Variants in ARHGEF11 observed in about 807,000 individuals in gnomAD.
ARHGEF11 encodes the protein Rho guanine nucleotide exchange factor 11, also known as Rho guanine exchange factor (GEF) 11.
Under a neutral mutation model 193.7 loss-of-function variants are expected in ARHGEF11, and 55 were observed. The ratio of observed to expected loss-of-function variants is 0.28; its 90% confidence interval spans 0.23 to 0.36. The LOEUF (loss-of-function observed/expected upper bound fraction) is 0.36. ARHGEF11 is among the 10% of genes least tolerant of loss of function. The probability of loss-of-function intolerance (pLI) is 1.00; values close to 1 mark genes in which losing one functional copy is unlikely to be tolerated. For missense variants in ARHGEF11, 1,723 were observed against 2,005.6 expected (o/e 0.86, Z 2.69); for synonymous variants, 693 against 768.0 (o/e 0.90, Z 1.62).
At chr1:156,960,290 C>T (rs987374769) in intron 15 of ARHGEF11, 128 bp downstream of exon 15, 86 of 861,808 alleles carry the variant, frequency 1.0e-4, no homozygotes, top group Non-Finnish European at 1.5e-4. Flanking sequence ...TCCCATGGGT[C>T]TTTTCCTCTA....
At chr1:156,938,270 T>G in intron 38 of ARHGEF11, 148 bp downstream of exon 38, 1 of 683,650 alleles carries the variant, frequency 1.5e-6, no homozygotes, top group Non-Finnish European at 2.4e-6. Context: ...CTCCCCGTCT[T>G]TAGAGCCAGA....
intron 8 of ARHGEF11, among the ~76,000 whole-genome samples, chr1:156,971,149 TC>T: frequency 6.6e-6 from 1 of 152,324 alleles, no homozygotes; most frequent in South Asian, 2.1e-4. Flanking sequence ...AATAGCAAAG[TC>T]CCTGAAGAGA....
At chr1:156,969,426 G>C in intron 9 of ARHGEF11, 68 bp from the exon 10 acceptor site, 1 of 1,457,358 alleles carries the variant, frequency 6.9e-7, no homozygotes, top group Non-Finnish European at 9.4e-7. Context: ...CCTTTATTCT[G>C]GGCACCTGTG....
At chr1:156,943,383 T>C (rs965490633) in intron 32 of ARHGEF11, among the ~76,000 whole-genome samples, 2 of 152,188 alleles carry the variant, frequency 1.3e-5, no homozygotes, top group African/African-American at 4.8e-5. Context: ...AACTTTTTCA[T>C]ACCCGTCATC....
Position 156,937,379 on chromosome 1 carries a change from T to C in ARHGEF11, c.4310A>G (p.Gln1437Arg), listed in dbSNP as rs370918950. 2 of 1,608,364 alleles carry C rather than the reference T, an allele frequency of 1.2e-6. No individual in the cohort carries two copies. The highest frequency in any genetic ancestry group is 2.2e-5 in the South Asian group (2 of 89,856). Residue 1437 changes from glutamine to arginine, a missense_variant, in exon 39 of 41, where the codon CAG (glutamine) becomes CGG (arginine). By Grantham distance (43) the Gln-to-Arg change is conservative. Around this residue, in one of 5 missense-constraint regions of ARHGEF11, gnomAD observed 360 missense variants for 344.4 expected, o/e 1.05. Transcript: ENST00000368194. ...ATCGTTGCCTCCCTGCAGCTGAGGCTGAGGCTCTGTCTGCCCTGCAGGGAG... is the reference window on the plus strand; with the variant it reads ...ATCGTTGCCTCCCTGCAGCTGAGGCCGAGGCTCTGTCTGCCCTGCAGGGAG... ...DSLPAGQTEP[Q>R]PQLQGGNDDP...
At position 156,980,491 on chromosome 1, in the gene ARHGEF11, A is replaced by G. The variant is rs1294892657; in HGVS notation, c.224-5T>C. 1 of 1,591,586 alleles carries G rather than the reference A, an allele frequency of 6.3e-7. No homozygotes were observed. The stretch of plus-strand genomic sequence containing the variant: ...CGGCCTTCATGGCTGCACCTCCTGT[A>G]AGGAGAAGGCCTGGTCAGCAGTGCC... On this transcript the variant is annotated splice_polypyrimidine_tract_variant and splice_region_variant and intron_variant, in intron 3 of 40. Coordinates refer to ENST00000368194, the MANE Select transcript of ARHGEF11 (RefSeq NM_198236.3).
At chr1:157,032,474 C>T (rs960299416) in intron 1 of ARHGEF11, among the ~76,000 whole-genome samples, 6 of 152,232 alleles carry the variant, frequency 3.9e-5, no homozygotes, top group Non-Finnish European at 5.9e-5. Context: ...CTCAAACACA[C>T]TGAGTCAGAA....
intron 38 of ARHGEF11, among the ~76,000 whole-genome samples, 166 bp downstream of exon 38, chr1:156,938,252 A>G (rs1274817987): frequency 1.3e-5 from 2 of 152,134 alleles, no homozygotes; most frequent in African/African-American, 4.8e-5. Flanking sequence ...CAGCCTTTAG[A>G]ACCAGATCTC....
chr1:157,033,817 T>C (rs940556683), intron 1 of ARHGEF11, among the ~76,000 whole-genome samples: 4 of 152,198 alleles, frequency 2.6e-5, no homozygotes, highest in African/African-American at 9.7e-5. Context: ...CTAGCTTTTA[T>C]TTTTTGGCCT....
intron 1 of ARHGEF11, among the ~76,000 whole-genome samples, chr1:156,997,674 AG>A (rs1666714460): frequency 2.0e-5 from 3 of 152,212 alleles, no homozygotes; most frequent in Admixed American, 6.5e-5. Flanking sequence ...CATGTGGCTA[AG>A]AGCACCAGAA....
chr1:156,997,010 C>T (rs1255476255), intron 1 of ARHGEF11, among the ~76,000 whole-genome samples: 2 of 151,352 alleles, frequency 1.3e-5, no homozygotes, highest in Non-Finnish European at 2.9e-5. Context: ...TACAGGTCTG[C>T]ACCACTATAT....
chr1:157,031,068 T>C (rs1292306711), intron 1 of ARHGEF11, among the ~76,000 whole-genome samples: 1 of 152,130 alleles, frequency 6.6e-6, no homozygotes, highest in African/African-American at 2.4e-5. Context: ...TAAAATTCAT[T>C]TATATGATGG....
At chr1:156,946,911 A>C in intron 27 of ARHGEF11, 25 bp downstream of exon 27, 2 of 1,613,746 alleles carry the variant, frequency 1.2e-6, no homozygotes, top group Non-Finnish European at 1.7e-6. Context: ...CCTCCTTGCC[A>C]AGAGGGAGAA....
At chr1:156,988,180 CT>C (rs1157209546) in intron 1 of ARHGEF11, among the ~76,000 whole-genome samples, 1 of 152,144 alleles carries the variant, frequency 6.6e-6, no homozygotes, top group Non-Finnish European at 1.5e-5. Context: ...TGAAAATGCG[CT>C]GTTCACTTGT....
rs756873984 is a variant in ARHGEF11 at position 156,944,461 on chromosome 1, CATT to C, written c.2992-31_2992-29del. ...GTTAAGGAGACACCATTCATTCATT[CATT>C]CATTCATTCATTCATTCAAGTGTTT... On this transcript the variant is annotated intron_variant, in intron 30 of 40. Transcript: ENST00000368194. The C allele has an allele frequency of 1.2e-4, 193 of 1,585,064 alleles. No individual in the cohort carries two copies. The Middle Eastern group carries it at 1.7e-3, about 14-fold the overall frequency.
rs145819274 is a variant in ARHGEF11, at chr1:156,941,913, G to A, written c.3403C>T (p.Pro1135Ser). Reference sequence around the variant, plus strand: ...GCTGGCTCCCGGGGACCTGGGGGTGGAGGATGGACGGGCATTGGGGCAGCT... The same window carrying A: ...GCTGGCTCCCGGGGACCTGGGGGTGAAGGATGGACGGGCATTGGGGCAGCT... ...PGAAPMPVHP[P>S]PPGPREPAQQ... The change falls in exon 34 of 41, where the codon CCA becomes TCA. Residue 1135 changes from proline (P) to serine (S), a missense_variant. Physicochemically the swap from Pro to Ser is moderately conservative, Grantham distance 74. Transcript: ENST00000368194. 2 of 1,614,024 alleles carry A rather than the reference G, an allele frequency of 1.2e-6. No homozygotes were observed.
chr1:156,954,850 A>G (rs774125153), intron 21 of ARHGEF11, 42 bp downstream of exon 21: 5 of 1,542,786 alleles, frequency 3.2e-6, no homozygotes, highest in Non-Finnish European at 4.5e-6. Flanking sequence ...TGGAAACTCA[A>G]TGCTAATGCA....
Position 156,991,710 on chromosome 1 carries a change from ATTTTTTTTTT to A in ARHGEF11, c.33-5547_33-5538del, listed in dbSNP as rs57140356. ...TTAGGGTTTTCTTTTTTTCAAGCTT[ATTTTTTTTTT>A]TTTTTTTTTTTTTTGAGACGGAGTC... On this transcript the variant is annotated intron_variant, in intron 1 of 40. Transcript: ENST00000368194. 2.4e-4 allele frequency among the ~76,000 whole-genome samples: 20 copies of A among 83,956 alleles called. No homozygotes were observed. The East Asian group carries it at 3.6e-3, about 15-fold the overall frequency. The allele number at this position is 83,956 out of a possible 152,430, so 55.1% of individuals were successfully genotyped here.
intron 38 of ARHGEF11, 128 bp from the exon 39 acceptor site, chr1:156,937,624 G>C: frequency 9.9e-7 from 1 of 1,010,522 alleles, no homozygotes; most frequent in Non-Finnish European, 1.4e-6. Context: ...CAAACTCAGA[G>C]AACGTGGGCC....
Sources: allele counts gnomAD v4.1 joint callset (sites outside exome capture counted in the v4.1 genomes callset), GRCh38; gene constraint gnomAD v4.1.1; regional missense constraint gnomAD v4.1.1; transcripts MANE v1.5; gene names NCBI Gene and HGNC (gene_info 2026-07-23, HGNC 2026-07-21).